The following LNPEP variants were observed in gnomAD, a reference collection of about 807,000 sequenced individuals.
The protein encoded by LNPEP is leucyl and cystinyl aminopeptidase, also known as leucyl-cystinyl aminopeptidase.
A neutral mutation model predicts 120.6 loss-of-function variants in LNPEP; 64 were observed. The observed-to-expected ratio is 0.53, with a 90% CI of 0.43 to 0.65. LNPEP has a LOEUF of 0.65. LNPEP is among the 30% of genes least tolerant of loss of function. The probability of loss-of-function intolerance (pLI) is 0.00; values close to 1 mark genes in which losing one functional copy is unlikely to be tolerated. For missense variants in LNPEP, 1,057 were observed against 1,200.0 expected, an observed-to-expected ratio of 0.88 and a Z score of 1.76; for synonymous variants, 435 against 425.4, an observed-to-expected ratio of 1.02 and a Z score of -0.28.
Position 96,985,086 on chromosome 5 carries a change from TGCA to T in LNPEP, c.871_873del (p.Ala291del). 1 of 1,613,954 alleles carries T rather than the reference TGCA, an allele frequency of 6.2e-7. No homozygotes were observed. Among genetic ancestry groups the T allele is most frequent in the Non-Finnish European group, 8.5e-7 (1 of 1,179,870 alleles). ...GAATTTGTGTTTGTTTTAGGTACTT[TGCA>T]GCAACTCAGTTTGAACCCCTGGCAG... On this transcript the variant is annotated inframe_deletion, in exon 3 of 18. Coordinates refer to ENST00000231368, the MANE Select transcript of LNPEP (RefSeq NM_005575.3).
intron 11 of LNPEP, among the ~76,000 whole-genome samples, chr5:97,011,525 C>T (rs1332649002): frequency 1.3e-5 from 2 of 152,164 alleles, no homozygotes; most frequent in Non-Finnish European, 2.9e-5. Context: ...CTGCCATGCC[C>T]AGCCCTAGGG....
chr5:96,946,672 G>T (rs1326239145), intron 1 of LNPEP, among the ~76,000 whole-genome samples: 1 of 152,206 alleles, frequency 6.6e-6, no homozygotes, highest in Non-Finnish European at 1.5e-5. Flanking sequence ...GTTGGTTAAT[G>T]ATAAGCAAAC....
intron 1 of LNPEP, among the ~76,000 whole-genome samples, chr5:96,943,348 G>GT (rs1789106532): frequency 6.6e-6 from 1 of 152,116 alleles, no homozygotes; most frequent in Non-Finnish European, 1.5e-5. Flanking sequence ...GAGTGCAGTG[G>GT]CACGGCCACA....
chr5:96,999,987 C>A (rs1211289169), intron 8 of LNPEP, among the ~76,000 whole-genome samples: 1 of 152,138 alleles, frequency 6.6e-6, no homozygotes, highest in Non-Finnish European at 1.5e-5. Flanking sequence ...GCAAATCTTA[C>A]AAATACTAAC....
chr5:96,972,732 A>G (rs1038422765), intron 1 of LNPEP, among the ~76,000 whole-genome samples: 5 of 152,086 alleles, frequency 3.3e-5, no homozygotes, highest in East Asian at 1.9e-4. Context: ...ATAGTTGTTT[A>G]TGAGAGGAAT....
intron 4 of LNPEP, among the ~76,000 whole-genome samples, chr5:96,987,633 T>C (rs532034690): frequency 8.0e-4 from 122 of 152,342 alleles, no homozygotes; most frequent in African/African-American, 2.9e-3. Flanking sequence ...TGGTGATTTA[T>C]CAGTAATAAT....
chr5:96,947,667 A>AAT (rs1789219491), intron 1 of LNPEP, among the ~76,000 whole-genome samples: 1 of 152,196 alleles, frequency 6.6e-6, no homozygotes, highest in Non-Finnish European at 1.5e-5. Context: ...ATGTTTTTGA[A>AAT]TGCCTAATTG....
chr5:96,943,665 A>AT (rs1372653938), intron 1 of LNPEP, among the ~76,000 whole-genome samples: 2 of 152,156 alleles, frequency 1.3e-5, no homozygotes, highest in African/African-American at 2.4e-5. Context: ...GAACCAATTA[A>AT]TTTTTTTAAA....
intron 1 of LNPEP, among the ~76,000 whole-genome samples, chr5:96,978,289 T>C (rs1021464746): frequency 6.6e-6 from 1 of 152,160 alleles, no homozygotes; most frequent in African/African-American, 2.4e-5. Context: ...TGGTTTGTTG[T>C]AGTTTGTAAA....
intron 1 of LNPEP, among the ~76,000 whole-genome samples, chr5:96,963,983 G>A (rs1308606711): frequency 1.3e-5 from 2 of 152,112 alleles, no homozygotes; most frequent in East Asian, 3.9e-4. Flanking sequence ...TAGAACACCA[G>A]AATCTCTTCC....
chr5:97,002,910 A>G (rs1191332829), intron 8 of LNPEP, among the ~76,000 whole-genome samples: 1 of 152,108 alleles, frequency 6.6e-6, no homozygotes, highest in Non-Finnish European at 1.5e-5. Flanking sequence ...GGAAGAAGAG[A>G]GATTCTGGTT....
intron 1 of LNPEP, among the ~76,000 whole-genome samples, chr5:96,951,191 C>T (rs1322797486): frequency 6.7e-6 from 1 of 149,788 alleles, no homozygotes; most frequent in Non-Finnish European, 1.5e-5. Context: ...CGAATTTAAC[C>T]TTAATTACCA....
At chr5:96,954,200 T>C (rs1228563494) in intron 1 of LNPEP, among the ~76,000 whole-genome samples, 10 of 152,174 alleles carry the variant, frequency 6.6e-5, no homozygotes, top group Admixed American at 6.5e-4. Context: ...ATAAGACATA[T>C]GGTAATCTGT....
chr5:96,989,549 A>G (rs1292546203), intron 4 of LNPEP, among the ~76,000 whole-genome samples: 3 of 150,670 alleles, frequency 2.0e-5, no homozygotes, highest in Non-Finnish European at 4.4e-5. Flanking sequence ...TGTTTTTAGA[A>G]ATCTCCTATA....
chr5:97,020,270 T>C (rs1232996134), intron 13 of LNPEP, among the ~76,000 whole-genome samples: 1 of 152,138 alleles, frequency 6.6e-6, no homozygotes, highest in African/African-American at 2.4e-5. Context: ...TGTCAATACC[T>C]AAAAGAAAGG....
chr5:97,006,390 C>T (rs758852810), intron 10 of LNPEP, 37 bp from the exon 11 acceptor site: 3 of 1,262,638 alleles, frequency 2.4e-6, no homozygotes, highest in Non-Finnish European at 3.4e-6. Context: ...AAAAAAAAAT[C>T]ATATGTAACT....
intron 13 of LNPEP, 93 bp from the exon 14 acceptor site, chr5:97,022,207 G>A: frequency 1.3e-6 from 1 of 773,976 alleles, no homozygotes; most frequent in East Asian, 2.7e-5. Flanking sequence ...GGGATTACAG[G>A]CACGAGACAC....
At chr5:96,989,347 T>A (rs1450786713) in intron 4 of LNPEP, among the ~76,000 whole-genome samples, 2 of 23,780 alleles carry the variant, frequency 8.4e-5, no homozygotes, top group Non-Finnish European at 1.6e-4. Context: ...TAATATATAA[T>A]ATATTATATA....
chr5:96,949,135 G>A (rs1256495889), intron 1 of LNPEP, among the ~76,000 whole-genome samples: 1 of 152,208 alleles, frequency 6.6e-6, no homozygotes, highest in Non-Finnish European at 1.5e-5. Context: ...AGGGCTTGAG[G>A]CCATTATAGG....
Sources: allele counts gnomAD v4.1 joint callset (sites outside exome capture counted in the v4.1 genomes callset), GRCh38; gene constraint gnomAD v4.1.1; transcripts MANE v1.5; gene names NCBI Gene and HGNC (gene_info 2026-07-23, HGNC 2026-07-21).